Variants in GPAT2 observed in about 807,000 individuals in gnomAD.
The protein encoded by GPAT2 is 1-acylglycerol-3-phosphate O-acyltransferase GPAT2.
GPAT2 carries 51 observed loss-of-function variants against 71.0 expected under a neutral mutation model. The observed-to-expected ratio is 0.72, with a 90% confidence interval of 0.57 to 0.91. The LOEUF is 0.91. Ranked by LOEUF, GPAT2 falls within the 40% of genes least tolerant of loss-of-function variation. The pLI is 0.00. For synonymous variants in GPAT2, 222 were observed against 290.3 expected, an observed-to-expected ratio of 0.76 and a Z score of 2.39; for missense variants, 511 against 666.0, an observed-to-expected ratio of 0.77 and a Z score of 2.56.
chr2:96,026,635 C>T, intron 10 of GPAT2, 62 bp downstream of exon 10: 1 of 134,494 alleles, frequency 7.4e-6, no homozygotes, highest in Non-Finnish European at 1.3e-5. Context: ...AATATTGTGC[C>T]TCCTATCGGG....
Position 96,022,954 on chromosome 2 carries a change from T to C in GPAT2, c.2233+4A>G. 6.2e-7 allele frequency: 1 copy of C among 1,613,770 alleles called. No individual in the cohort carries two copies. The highest frequency in any genetic ancestry group is 1.7e-5 in the Admixed American group (1 of 60,018). ...GGAGCCTGGGCTGACTGGTTGGGAC[T>C]CACCGAAGATCCCTTCTTCCTGGGC... On this transcript the variant is annotated splice_donor_region_variant and intron_variant, in intron 20 of 21. Transcript: ENST00000434632.
Position 96,023,245 on chromosome 2 carries a change from G to A in GPAT2, c.2047-19C>T. 6.2e-7 allele frequency: 1 copy of A among 1,612,678 alleles called. No homozygotes were observed. Among genetic ancestry groups the A allele is most frequent in the Admixed American group, 1.7e-5 (1 of 59,774 alleles). On this transcript the variant is annotated intron_variant, in intron 18 of 21. Transcript: ENST00000434632. Reference sequence around the variant, plus strand: ...GGCTGAGCTGGAGGGGACAGGCCGGGGTGAGTGCAGCTCCCCACCGCCTCC... The same window carrying A: ...GGCTGAGCTGGAGGGGACAGGCCGGAGTGAGTGCAGCTCCCCACCGCCTCC...
At position 96,023,035 on chromosome 2, in the gene GPAT2, A is replaced by C; in HGVS notation, c.2168-12T>G. On this transcript the variant is annotated splice_polypyrimidine_tract_variant and intron_variant, in intron 19 of 21. Coordinates refer to ENST00000434632, the MANE Select transcript of GPAT2 (RefSeq NM_001321527.2). The stretch of plus-strand genomic sequence containing the variant: ...TGTGTAGCCCAACTCTGCAGAAGAG[A>C]GAAGACCTAGACCTGGCACCCAGCA... The C allele has an allele frequency of 6.2e-7, 1 of 1,613,976 alleles. No individual in the cohort carries two copies. Among genetic ancestry groups the C allele is most frequent in the Non-Finnish European group, 8.5e-7 (1 of 1,179,864 alleles).
At chr2:96,024,056 C>T (rs888301229) in intron 16 of GPAT2, 56 bp from the exon 17 acceptor site, 21 of 1,583,136 alleles carry the variant, frequency 1.3e-5, no homozygotes, top group Non-Finnish European at 1.4e-5. Context: ...TGGGCAGGGG[C>T]CTAGCCAAAG....
intron 17 of GPAT2, chr2:96,023,664 G>A (rs1176328566): frequency 1.5e-6 from 1 of 670,422 alleles, no homozygotes; most frequent in African/African-American, 1.8e-5. Flanking sequence ...TGGGGAGCAG[G>A]AGGTGTGCAG....
Position 96,024,828 on chromosome 2 carries a change from G to A in GPAT2, c.1373C>T (p.Ser458Phe), listed in dbSNP as rs570493120. The A allele has an allele frequency of 6.2e-7, 1 of 1,613,312 alleles. No individual in the cohort carries two copies. The highest frequency in any genetic ancestry group is 1.1e-5 in the South Asian group (1 of 91,038). ...CATAATGGCCGTGCTCATCACCGCAGAGCTCCCTACACTGGCTGGAGTGGG... is the reference window on the plus strand; with the variant it reads ...CATAATGGCCGTGCTCATCACCGCAAAGCTCCCTACACTGGCTGGAGTGGG... ...CHVLSASVGS[S>F]AVMSTAIMAT... is the part of the protein sequence containing the mutation. Residue 458 changes from serine (S) to phenylalanine (F), a missense_variant, in exon 14 of 22, where the codon TCT (serine) becomes TTT (phenylalanine). Coordinates refer to ENST00000434632, the MANE Select transcript of GPAT2 (RefSeq NM_001321527.2).
chr2:96,026,202 G>C lies in GPAT2; in HGVS notation c.1136C>G (p.Ala379Gly). The part of the protein sequence containing the change: ...SHRICSRVHL[A>G]QPFSLQEYIV... ...CCATACCTGCAGGGAAAAGGGCTGAGCTAGGTGCACCCGGGAGCAGATCCG... is the reference window on the plus strand; with the variant it reads ...CCATACCTGCAGGGAAAAGGGCTGACCTAGGTGCACCCGGGAGCAGATCCG... Residue 379 changes from alanine to glycine, a missense_variant, in exon 11 of 22, where the codon GCT (alanine) becomes GGT (glycine). Ala to Gly is a moderately conservative substitution (Grantham distance 60). Around this residue, in one of 7 missense-constraint regions of GPAT2, gnomAD observed 79 missense variants for 111.4 expected, o/e 0.71. Coordinates refer to ENST00000434632, the MANE Select transcript of GPAT2 (RefSeq NM_001321527.2). 6.2e-7 allele frequency: 1 copy of C among 1,610,988 alleles called. No homozygotes were observed. Among genetic ancestry groups the C allele is most frequent in the Non-Finnish European group, 8.5e-7 (1 of 1,178,866 alleles).
chr2:96,024,045 A>T (rs1238772946), intron 16 of GPAT2, 45 bp from the exon 17 acceptor site: 1 of 1,578,420 alleles, frequency 6.3e-7, no homozygotes. Context: ...AGCCAGGCAC[A>T]TGGGCAGGGG....
rs762053866 is a variant in GPAT2 at position 96,024,453 on chromosome 2, G to C, written c.1661C>G (p.Pro554Arg). The C allele has an allele frequency of 1.6e-5, 26 of 1,613,784 alleles. No homozygotes were observed. Among genetic ancestry groups the C allele is most frequent in the Non-Finnish European group, 2.0e-5 (24 of 1,179,900 alleles). Reference sequence around the variant, plus strand: ...GCCCACAGCCTCGCTCAGGAAGACGGGCAGCAGCTCAGCACTCAGTTGTGC... The same window carrying C: ...GCCCACAGCCTCGCTCAGGAAGACGCGCAGCAGCTCAGCACTCAGTTGTGC... The part of the protein sequence containing the change: ...HLAQLSAELL[P>R]VFLSEAVGAC... Residue 554 changes from proline (P) to arginine (R), a missense_variant, in exon 15 of 22, where the codon CCC becomes CGC. Pro to Arg is a moderately radical substitution (Grantham distance 103, BLOSUM62 -2). Around this residue, in one of 7 missense-constraint regions of GPAT2, gnomAD observed 295 missense variants for 305.5 expected, o/e 0.97. Transcript: ENST00000434632.
chr2:96,025,129 G>C (rs2104636290), intron 13 of GPAT2: 1 of 586,302 alleles, frequency 1.7e-6, no homozygotes, highest in East Asian at 2.8e-5. Flanking sequence ...CCTCTGTGGA[G>C]GCGCTGTGCT....
In GPAT2 at chr2:96,026,313, G is replaced by A. The variant is rs763873656; in HGVS notation, c.1033-8C>T. ...CCCCAGGGGGGCCGAGGCCTGCAAG[G>A]AGGGAAAGGATAACTATACTCGCCG... On this transcript the variant is annotated splice_region_variant and splice_polypyrimidine_tract_variant and intron_variant, in intron 10 of 21. Coordinates refer to ENST00000434632, the MANE Select transcript of GPAT2 (RefSeq NM_001321527.2). 6.6e-7 allele frequency: 1 copy of A among 1,517,964 alleles called. No homozygotes were observed. The highest frequency in any genetic ancestry group is 8.8e-7 in the Non-Finnish European group (1 of 1,134,954). The allele number at this position is 1,517,964 out of a possible 1,614,324, so 94.0% of individuals were successfully genotyped here. A position where few individuals can be genotyped will look rare whatever the true frequency, so the allele number is the denominator to read the frequency against.
intron 15 of GPAT2, 41 bp from the exon 16 acceptor site, chr2:96,024,378 T>C (rs1429517385): frequency 6.2e-7 from 1 of 1,606,388 alleles, no homozygotes; most frequent in Non-Finnish European, 8.5e-7. Flanking sequence ...AGCCGTTCCC[T>C]TCACCACTGC....
intron 6 of GPAT2, among the ~76,000 whole-genome samples, chr2:96,029,547 ACT>A (rs1254019392): frequency 3.7e-5 from 3 of 81,474 alleles, no homozygotes; most frequent in Non-Finnish European, 5.2e-5. Flanking sequence ...AGGTACCAAA[ACT>A]CTCTCTCTCC....
intron 17 of GPAT2, 99 bp downstream of exon 17, chr2:96,023,824 C>A: frequency 1.3e-6 from 2 of 1,518,480 alleles, no homozygotes; most frequent in Non-Finnish European, 1.8e-6. Flanking sequence ...ACAGCACACA[C>A]GGGGCAGAGG....
At position 96,023,952 on chromosome 2, in the gene GPAT2, T is replaced by G. The variant is rs1445710278; in HGVS notation, c.1885A>C (p.Ile629Leu). ...TCAGCAACCAGGAGCCCGCATTGGA[T>G]GAGCCGGTCCAGCACCTCCTGACAG... Reference protein sequence around the residue: ...CYCQEVLDRLIQCGLLVAEET... With the variant: ...CYCQEVLDRLLQCGLLVAEET... Residue 629 changes from isoleucine to leucine, a missense_variant, in exon 17 of 22, where the codon ATC becomes CTC. Physicochemically the swap from Ile to Leu is conservative, Grantham distance 5 (BLOSUM62 2). Transcript: ENST00000434632. 1 of 1,606,820 alleles carries G rather than the reference T, an allele frequency of 6.2e-7. No individual in the cohort carries two copies. Among genetic ancestry groups the G allele is most frequent in the African/African-American group, 1.3e-5 (1 of 74,828 alleles).
Position 96,021,970 on chromosome 2 carries a change from A to G in GPAT2, c.*189T>C. On this transcript the variant is annotated 3_prime_UTR_variant, in exon 22 of 22. Transcript: ENST00000434632. Reference sequence around the variant, plus strand: ...ATGCTGCTGGGCTGGGGAAAAGACAACTCGTCTCGTCCCCTTGTTTATCAC... The same window carrying G: ...ATGCTGCTGGGCTGGGGAAAAGACAGCTCGTCTCGTCCCCTTGTTTATCAC... 2.9e-6 allele frequency: 4 copies of G among 1,382,180 alleles called. No individual in the cohort carries two copies. The highest frequency in any genetic ancestry group is 3.9e-6 in the Non-Finnish European group (4 of 1,038,786). 85.6% of individuals were successfully genotyped at this position (1,382,180 alleles called of 1,614,324 possible).
At chr2:96,022,758 G>A (rs776424646) in intron 20 of GPAT2, 35 bp from the exon 21 acceptor site, 16 of 1,613,844 alleles carry the variant, frequency 9.9e-6, no homozygotes, top group Non-Finnish European at 1.0e-5. Context: ...CTCTAGGTAG[G>A]GAGAACAGAG....
At chr2:96,025,154 T>A (rs1457784334) in intron 13 of GPAT2, 24 of 571,342 alleles carry the variant, frequency 4.2e-5, no homozygotes, top group Non-Finnish European at 6.9e-5. Flanking sequence ...CCCTTACACG[T>A]ATCATTCCAT....
At chr2:96,025,729 A>C in intron 12 of GPAT2, 126 bp from the exon 13 acceptor site, 2 of 1,476,938 alleles carry the variant, frequency 1.4e-6, no homozygotes, top group South Asian at 2.4e-5. Context: ...GATGGCTTCT[A>C]TAACCCCCAG....
Sources: allele counts gnomAD v4.1 joint callset (sites outside exome capture counted in the v4.1 genomes callset), GRCh38; gene constraint gnomAD v4.1.1; regional missense constraint gnomAD v4.1.1; transcripts MANE v1.5; gene names NCBI Gene and HGNC (gene_info 2026-07-23, HGNC 2026-07-21).